UBAP2L: variants seen among roughly 807,000 people sequenced by gnomAD.
The protein encoded by UBAP2L is ubiquitin-associated protein 2-like.
UBAP2L carries 12 observed loss-of-function variants against 130.6 expected under a neutral mutation model. The observed-to-expected ratio is 0.09, with a 90% CI of 0.06 to 0.15. UBAP2L has a LOEUF of 0.15. UBAP2L is among the 10% of genes least tolerant of loss of function. The pLI is 1.00. For missense variants in UBAP2L, 965 were observed against 1,332.5 expected (o/e 0.72, Z 4.29); for synonymous variants, 503 against 524.7 (o/e 0.96, Z 0.57).
At chr1:154,247,533 G>T (rs1029938515) in intron 11 of UBAP2L, among the ~76,000 whole-genome samples, 1 of 152,182 alleles carries the variant, frequency 6.6e-6, no homozygotes, top group Non-Finnish European at 1.5e-5. Context: ...GTCTGGAATT[G>T]TGAAAATTTA....
intron 12 of UBAP2L, 80 bp downstream of exon 12, chr1:154,249,517 G>A: frequency 1.3e-6 from 2 of 1,571,896 alleles, no homozygotes; most frequent in South Asian, 1.1e-5. Context: ...AGGGGGTGGA[G>A]AATGTGTCCT....
chr1:154,241,762 G>A, intron 9 of UBAP2L, 197 bp downstream of exon 9: 2 of 985,410 alleles, frequency 2.0e-6, no homozygotes, highest in Non-Finnish European at 2.4e-6. Context: ...ACAGGACTCT[G>A]TGGAACCACA....
In UBAP2L at chr1:154,246,274, T is replaced by C; in HGVS notation, c.913T>C (p.Ser305Pro). ...GAATGATTCATCTAATCTGGATCCGTCTCAGGCTCCTTCTCTGGCCCAGCC... is the reference window on the plus strand; with the variant it reads ...GAATGATTCATCTAATCTGGATCCGCCTCAGGCTCCTTCTCTGGCCCAGCC... ...MENDSSNLDP[S>P]QAPSLAQPLV... is the part of the protein sequence containing the mutation. The change falls in exon 11 of 27, where the codon TCT (serine) becomes CCT (proline). Residue 305 changes from serine to proline, a missense_variant. Around this residue, in one of 9 missense-constraint regions of UBAP2L, gnomAD observed 99 missense variants for 106.4 expected, o/e 0.93. Transcript: ENST00000428931. 1 of 1,613,882 alleles carries C rather than the reference T, an allele frequency of 6.2e-7. No homozygotes were observed. The highest frequency in any genetic ancestry group is 1.7e-4 in the Middle Eastern group (1 of 5,874).
At chr1:154,236,544 C>G (rs766883651) in intron 6 of UBAP2L, 22 bp from the exon 7 acceptor site, 2 of 1,613,774 alleles carry the variant, frequency 1.2e-6, no homozygotes, top group South Asian at 1.1e-5. Context: ...TCTCTCTTCT[C>G]TTTTTCTCAT....
upstream of UBAP2L, chr1:154,220,539 G>A: frequency 1.1e-6 from 1 of 874,712 alleles, no homozygotes; most frequent in Non-Finnish European, 1.8e-6. Flanking sequence ...GGAAGACCAA[G>A]CCAGACCCGG....
chr1:154,226,404 T>C (rs181249047), intron 2 of UBAP2L, among the ~76,000 whole-genome samples: 23 of 152,376 alleles, frequency 1.5e-4, no homozygotes, highest in African/African-American at 5.0e-4. Context: ...GTATGTAATG[T>C]GAATGAATTA....
intron 26 of UBAP2L, chr1:154,269,156 G>A: frequency 2.3e-6 from 2 of 872,212 alleles, no homozygotes; most frequent in Non-Finnish European, 3.5e-6. Context: ...GAAGGGCCGG[G>A]TTGAAACCTT....
At chr1:154,239,534 C>T (rs1466966771) in intron 8 of UBAP2L, among the ~76,000 whole-genome samples, 1 of 152,006 alleles carries the variant, frequency 6.6e-6, no homozygotes, top group African/African-American at 2.4e-5. Context: ...GAATGGAAAC[C>T]CTAGTCTGTT....
rs1192626856 is a variant in UBAP2L, at chr1:154,270,499, T to C, written c.*204T>C. 2.1e-6 allele frequency: 3 copies of C among 1,454,214 alleles called. No homozygotes were observed. In the South Asian group the frequency reaches 4.3e-5, roughly 21 times the overall value. 90.1% of individuals were successfully genotyped at this position (1,454,214 alleles called of 1,614,324 possible). A position where few individuals can be genotyped will look rare whatever the true frequency, so the allele number is the denominator to read the frequency against. On this transcript the variant is annotated 3_prime_UTR_variant, in exon 27 of 27. Transcript: ENST00000428931. ...TATGTATTATAGGATTTGTATTTTC[T>C]CCTTTTTTTTCCCCCTTCCATTCCT...
At chr1:154,257,677 G>A (rs1680088870) in intron 20 of UBAP2L, 1 of 485,176 alleles carries the variant, frequency 2.1e-6, no homozygotes, top group Admixed American at 3.7e-5. Flanking sequence ...CCTGTGTTAA[G>A]GGTCAACTGT....
chr1:154,248,406 C>T (rs963886599), intron 11 of UBAP2L, among the ~76,000 whole-genome samples: 6 of 152,114 alleles, frequency 3.9e-5, no homozygotes, highest in South Asian at 2.1e-4. Context: ...TTAGCAGCAT[C>T]GAGATGAGGC....
chr1:154,241,896 A>T (rs1673725415), intron 9 of UBAP2L: 1 of 378,842 alleles, frequency 2.6e-6, no homozygotes, highest in Non-Finnish European at 3.6e-6. Context: ...ATTGAGTAAC[A>T]GCTGCTGGTG....
At chr1:154,241,620 A>G in intron 9 of UBAP2L, 55 bp downstream of exon 9, 2 of 1,606,852 alleles carry the variant, frequency 1.2e-6, no homozygotes. Context: ...AGTGTTGTTT[A>G]GGGATAGAAA....
At chr1:154,260,374 C>A (rs1378866962) in intron 22 of UBAP2L, among the ~76,000 whole-genome samples, 1 of 152,168 alleles carries the variant, frequency 6.6e-6, no homozygotes, top group Non-Finnish European at 1.5e-5. Flanking sequence ...TAGTTTCAAG[C>A]CATTTGCTAG....
At chr1:154,232,826 G>C (rs1670304656) in intron 4 of UBAP2L, among the ~76,000 whole-genome samples, 1 of 151,974 alleles carries the variant, frequency 6.6e-6, no homozygotes, top group Non-Finnish European at 1.5e-5. Context: ...GCCTTCAAGT[G>C]GTTTGGGTGA....
Position 154,255,168 on chromosome 1 carries a change from A to G in UBAP2L, c.1926A>G (p.Ala642=), listed in dbSNP as rs1161653208. The G allele has an allele frequency of 2.5e-6, 4 of 1,613,930 alleles. No individual in the cohort carries two copies. Among genetic ancestry groups the G allele is most frequent in the African/African-American group, 1.3e-5 (1 of 74,914 alleles). The part of the protein sequence containing the change: ...TQSVEGATGS[A]VKSDSPSTSS... Reference sequence around the variant, plus strand: ...AATTTCTAGGTGCTACAGGCTCTGCAGTGAAATCTGATTCACCTTCCACTT... The same window carrying G: ...AATTTCTAGGTGCTACAGGCTCTGCGGTGAAATCTGATTCACCTTCCACTT... Residue 642 remains alanine, a synonymous_variant, in exon 17 of 27, where the codon GCA becomes GCG. Transcript: ENST00000428931.
chr1:154,257,072 G>A lies in UBAP2L; in HGVS notation c.2167G>A (p.Val723Met), dbSNP rs1442184829. ...GCTCCCCCTTTTGAAGCACACAAGTGTGGAGAGTGAGGCGAATCTCCATTC... is the reference window on the plus strand; with the variant it reads ...GCTCCCCCTTTTGAAGCACACAAGTATGGAGAGTGAGGCGAATCTCCATTC... The part of the protein sequence containing the change: ...TSTSTLLHTS[V>M]ESEANLHSSS... The change falls in exon 19 of 27, where the codon GTG (valine) becomes ATG (methionine). Residue 723 changes from valine to methionine, a missense_variant. Val to Met is a conservative substitution (Grantham distance 21). Coordinates refer to ENST00000428931, the MANE Select transcript of UBAP2L (RefSeq NM_014847.4). The A allele has an allele frequency of 2.5e-6, 4 of 1,613,524 alleles. No homozygotes were observed. Among genetic ancestry groups the A allele is most frequent in the Middle Eastern group, 1.6e-4 (1 of 6,062 alleles).
intron 11 of UBAP2L, among the ~76,000 whole-genome samples, 157 bp downstream of exon 11, chr1:154,246,532 AGGG>A (rs746424782): frequency 4.6e-5 from 7 of 152,194 alleles, no homozygotes; most frequent in Non-Finnish European, 1.0e-4. Flanking sequence ...GTTGGGTAAT[AGGG>A]GGTAGCTCTA....
At chr1:154,228,571 G>C (rs376401425) in intron 3 of UBAP2L, 44 bp from the exon 4 acceptor site, 1 of 1,429,484 alleles carries the variant, frequency 7.0e-7, no homozygotes, top group Non-Finnish European at 9.8e-7. Context: ...TTGGGAGTGT[G>C]AGCATAAGCC....
Sources: gnomAD v4.1 joint callset for allele counts (sites outside exome capture counted in the v4.1 genomes callset) on GRCh38, gnomAD v4.1.1 for gene constraint, gnomAD v4.1.1 regional missense constraint, MANE v1.5 for transcripts, NCBI Gene and HGNC (gene_info 2026-07-23, HGNC 2026-07-21) for gene names.